CFAP47: variants seen among roughly 807,000 people sequenced by gnomAD.
CFAP47 encodes the protein cilia and flagella associated protein 47, also known as cilia- and flagella-associated protein 47.
CFAP47 carries 29 observed loss-of-function variants against 148.1 expected under a neutral mutation model. The ratio of observed to expected loss-of-function variants is 0.20; its 90% CI spans 0.15 to 0.27. The LOEUF (loss-of-function observed/expected upper bound fraction) is 0.27, where lower values mean the gene tolerates loss of function less well. Among genes scored for constraint, CFAP47 ranks in the 10% least tolerant of loss-of-function variants. The pLI is 1.00. For missense variants in CFAP47, 1,872 were observed against 1,697.5 expected (o/e 1.10, Z -1.81); for synonymous variants, 664 against 577.3 (o/e 1.15, Z -2.15).
chrX:36,221,553 A>G (rs1374150878), intron 45 of CFAP47, among the ~76,000 whole-genome samples: 2 of 111,672 alleles, frequency 1.8e-5, no homozygotes, highest in Non-Finnish European at 1.9e-5. Context: ...CACAATAAAT[A>G]TGAACAGACT....
At chrX:36,348,061 C>A in intron 57 of CFAP47, 68 bp from the exon 58 acceptor site, 1 of 628,840 alleles carries the variant, frequency 1.6e-6, no homozygotes, top group Non-Finnish European at 2.2e-6. Context: ...AGGTGTTTAC[C>A]TTCTCCTGTT....
intron 25 of CFAP47, among the ~76,000 whole-genome samples, chrX:36,044,422 T>C (rs1417040253): frequency 1.8e-5 from 2 of 112,934 alleles, no homozygotes; most frequent in Non-Finnish European, 3.7e-5. Flanking sequence ...CATCTCTTCG[T>C]GTATGCATAC....
intron 62 of CFAP47, among the ~76,000 whole-genome samples, chrX:36,372,036 GT>G (rs1196157019): frequency 9.7e-6 from 1 of 103,497 alleles, no homozygotes. Flanking sequence ...ATATATGTGT[GT>G]GTGTATATAT....
chrX:36,102,796 T>G (rs1938398020), intron 32 of CFAP47, among the ~76,000 whole-genome samples: 1 of 112,006 alleles, frequency 8.9e-6, no homozygotes, highest in African/African-American at 3.2e-5. Flanking sequence ...TTAAATTGCA[T>G]TTTTATAATA....
intron 57 of CFAP47, among the ~76,000 whole-genome samples, chrX:36,319,569 G>A (rs1474645109): frequency 9.2e-6 from 1 of 109,204 alleles, no homozygotes; most frequent in African/African-American, 3.3e-5. Flanking sequence ...ATTTTCCATG[G>A]TTGAATAGCA....
intron 57 of CFAP47, among the ~76,000 whole-genome samples, chrX:36,337,481 A>G (rs886266346): frequency 9.0e-6 from 1 of 111,633 alleles, no homozygotes; most frequent in Non-Finnish European, 1.9e-5. Context: ...AGAAATAGGT[A>G]AAATGTGTGT....
rs764312416 is a variant in CFAP47, at chrX:36,118,569, A to G, written c.5320+13878A>G. Among the ~76,000 whole-genome samples, 16 of 110,585 alleles carry G rather than the reference A, an allele frequency of 1.4e-4. No homozygotes were observed. The South Asian group carries it at 6.2e-3, about 43-fold the overall frequency. On this transcript the variant is annotated intron_variant, in intron 33 of 63. Transcript: ENST00000378653. Reference sequence around the variant, plus strand: ...ACTGCAAGCTCTGCCTCCCGGGTTTACACCATTCTCCTGCCTCAGCCTCCC... The same window carrying G: ...ACTGCAAGCTCTGCCTCCCGGGTTTGCACCATTCTCCTGCCTCAGCCTCCC...
At chrX:36,337,856 CTTTTT>C (rs1196038760) in intron 57 of CFAP47, among the ~76,000 whole-genome samples, 3 of 58,341 alleles carry the variant, frequency 5.1e-5, no homozygotes, top group African/African-American at 8.8e-5. Flanking sequence ...TTCCATAATC[CTTTTT>C]TTTTTTTTTT....
Position 36,278,375 on chromosome X carries a change from G to A in CFAP47, c.7445-2112G>A, listed in dbSNP as rs782120876. Among the ~76,000 whole-genome samples the A allele has an allele frequency of 4.4e-5, 5 of 112,844 alleles. No individual in the cohort carries two copies. In the East Asian group the frequency reaches 1.4e-3, roughly 32 times the overall value. Reference sequence around the variant, plus strand: ...CTGCACTAGCAGTGAGCAAGGCTCCGTGGGCGTGGGACCCGCCAAGCCAGT... The same window carrying A: ...CTGCACTAGCAGTGAGCAAGGCTCCATGGGCGTGGGACCCGCCAAGCCAGT... On this transcript the variant is annotated intron_variant, in intron 49 of 63. Coordinates refer to ENST00000378653, the MANE Select transcript of CFAP47 (RefSeq NM_001304548.2).
At chrX:36,242,129 A>G (rs1555996127) in intron 48 of CFAP47, among the ~76,000 whole-genome samples, 1 of 112,553 alleles carries the variant, frequency 8.9e-6, no homozygotes, top group East Asian at 2.8e-4. Context: ...TTCAGCCTCA[A>G]ATAAATATTG....
chrX:36,194,630 A>C (rs1440161140), intron 42 of CFAP47, among the ~76,000 whole-genome samples: 1 of 111,650 alleles, frequency 9.0e-6, no homozygotes, highest in Non-Finnish European at 1.9e-5. Flanking sequence ...TGGCAGAAGG[A>C]GAAGGAGAAA....
intron 51 of CFAP47, among the ~76,000 whole-genome samples, chrX:36,297,999 G>A (rs1941259718): frequency 9.2e-6 from 1 of 109,182 alleles, no homozygotes; most frequent in Admixed American, 9.8e-5. Flanking sequence ...AAGTCAGTGT[G>A]GCGATTCCTC....
chrX:36,247,756 A>G (rs886666075), intron 48 of CFAP47, among the ~76,000 whole-genome samples: 1 of 111,270 alleles, frequency 9.0e-6, no homozygotes, highest in Non-Finnish European at 1.9e-5. Context: ...TTACAGGAAC[A>G]AAGGTGACAT....
intron 30 of CFAP47, among the ~76,000 whole-genome samples, chrX:36,093,470 T>A (rs936187304): frequency 7.2e-5 from 8 of 111,515 alleles, no homozygotes; most frequent in Admixed American, 5.7e-4. Context: ...TGAGATGATA[T>A]CTCTTTATAC....
intron 48 of CFAP47, among the ~76,000 whole-genome samples, chrX:36,250,605 GATTA>G (rs1273637046): frequency 2.7e-5 from 3 of 109,817 alleles, no homozygotes; most frequent in African/African-American, 6.6e-5. Context: ...ATAATGCATA[GATTA>G]ATTAGTTTGA....
At position 36,329,963 on chromosome X, in the gene CFAP47, A is replaced by T. The variant is rs6632573; in HGVS notation, c.8443+10656A>T. Among the ~76,000 whole-genome samples, 5 of 111,763 alleles carry T rather than the reference A, an allele frequency of 4.5e-5. No homozygotes were observed. In the South Asian group the frequency reaches 1.8e-3, roughly 41 times the overall value. On this transcript the variant is annotated intron_variant, in intron 57 of 63. Coordinates refer to ENST00000378653, the MANE Select transcript of CFAP47 (RefSeq NM_001304548.2). ...ATGATAATCTAATTTTATTTTGCTAAATTCTTATATTTTTGAAAATGTGTA... is the reference window on the plus strand; with the variant it reads ...ATGATAATCTAATTTTATTTTGCTATATTCTTATATTTTTGAAAATGTGTA...
intron 33 of CFAP47, among the ~76,000 whole-genome samples, chrX:36,137,150 C>T (rs952779282): frequency 1.8e-5 from 2 of 110,947 alleles, no homozygotes; most frequent in African/African-American, 6.5e-5. Flanking sequence ...GGTTTTTCTT[C>T]TTCACAGAAA....
At chrX:36,122,143 T>G (rs1436981996) in intron 33 of CFAP47, among the ~76,000 whole-genome samples, 3 of 111,405 alleles carry the variant, frequency 2.7e-5, no homozygotes, top group African/African-American at 9.8e-5. Context: ...GCCTATAAGG[T>G]TTCTGCTGAA....
At chrX:35,945,409 G>A (rs1162598564) in intron 3 of CFAP47, among the ~76,000 whole-genome samples, 1 of 110,832 alleles carries the variant, frequency 9.0e-6, no homozygotes, top group Non-Finnish European at 1.9e-5. Context: ...TACTCTCCTT[G>A]GACCATCACT....
Sources: gnomAD v4.1 joint callset for allele counts (sites outside exome capture counted in the v4.1 genomes callset) on GRCh38, gnomAD v4.1.1 for gene constraint, MANE v1.5 for transcripts, NCBI Gene and HGNC (gene_info 2026-07-23, HGNC 2026-07-21) for gene names.